Variants in CCDC88A observed in about 807,000 individuals in gnomAD.
The protein encoded by CCDC88A is coiled-coil and HOOK domain protein 88A.
A neutral mutation model predicts 234.3 loss-of-function variants in CCDC88A; 54 were observed. That is an observed-to-expected ratio of 0.23 (90% CI 0.19 to 0.29). The LOEUF (loss-of-function observed/expected upper bound fraction) is 0.29, where lower values mean the gene tolerates loss of function less well. Among genes scored for constraint, CCDC88A ranks in the 10% least tolerant of loss-of-function variants. The pLI is 1.00. For missense variants in CCDC88A, 1,832 were observed against 2,123.4 expected (o/e 0.86, Z 2.70); for synonymous variants, 753 against 737.8 (o/e 1.02, Z -0.33).
At chr2:55,376,895 G>A (rs902900639) in intron 3 of CCDC88A, among the ~76,000 whole-genome samples, 1 of 152,204 alleles carries the variant, frequency 6.6e-6, no homozygotes, top group South Asian at 2.1e-4. Context: ...GCAGTGGCGC[G>A]ATCTTGGCTT....
intron 23 of CCDC88A, among the ~76,000 whole-genome samples, chr2:55,312,080 T>A (rs1682418100): frequency 1.3e-5 from 2 of 152,250 alleles, no homozygotes; most frequent in African/African-American, 4.8e-5. Flanking sequence ...AACCTATAAA[T>A]CTCCACTCAA....
At chr2:55,304,497 C>T (rs1402695890) in intron 25 of CCDC88A, among the ~76,000 whole-genome samples, 1 of 151,590 alleles carries the variant, frequency 6.6e-6, no homozygotes, top group Non-Finnish European at 1.5e-5. Context: ...ACAAAAGATT[C>T]GTTGGGGGAA....
At chr2:55,356,037 T>G (rs938419006) in intron 7 of CCDC88A, 1 of 192,562 alleles carries the variant, frequency 5.2e-6, no homozygotes, top group East Asian at 1.3e-4. Context: ...GTGCAGGGTA[T>G]GCATGTTTGT....
At chr2:55,354,211 A>C (rs1444207400) in intron 8 of CCDC88A, among the ~76,000 whole-genome samples, 1 of 147,486 alleles carries the variant, frequency 6.8e-6, no homozygotes, top group Non-Finnish European at 1.5e-5. Flanking sequence ...TGTGATCTTG[A>C]CTCACTGCAA....
At chr2:55,347,355 A>C (rs575026683) in intron 9 of CCDC88A, among the ~76,000 whole-genome samples, 1 of 152,254 alleles carries the variant, frequency 6.6e-6, no homozygotes, top group Non-Finnish European at 1.5e-5. Flanking sequence ...TAATAACCTA[A>C]GACATTATTT....
intron 2 of CCDC88A, chr2:55,394,257 C>T (rs1449876831): frequency 6.6e-6 from 1 of 152,176 alleles, no homozygotes; most frequent in South Asian, 2.1e-4. Context: ...AGGACATGAA[C>T]TCATCATCAT....
chr2:55,403,204 T>G (rs1429602719), intron 2 of CCDC88A, among the ~76,000 whole-genome samples: 1 of 152,224 alleles, frequency 6.6e-6, no homozygotes, highest in Non-Finnish European at 1.5e-5. Context: ...ACTCAAGTAT[T>G]AACAACCAGT....
intron 2 of CCDC88A, among the ~76,000 whole-genome samples, chr2:55,390,053 A>G (rs113193274): frequency 0.041 from 3,301 of 79,724 alleles, 638 homozygotes; most frequent in Middle Eastern, 0.058. Flanking sequence ...AAAAAAATAA[A>G]AAATAAAGAT....
intron 30 of CCDC88A, 39 bp from the exon 31 acceptor site, chr2:55,296,095 G>A (rs201791321): frequency 1.1e-5 from 16 of 1,464,128 alleles, no homozygotes; most frequent in Non-Finnish European, 1.4e-5. Context: ...AGTGAATATA[G>A]TGCCATGTTT....
At chr2:55,381,723 T>C (rs1674640085) in intron 3 of CCDC88A, among the ~76,000 whole-genome samples, 4 of 152,198 alleles carry the variant, frequency 2.6e-5, no homozygotes, top group Admixed American at 2.0e-4. Context: ...TAGCCTTTCC[T>C]TCTTCCAAGA....
intron 22 of CCDC88A, chr2:55,315,440 T>G (rs1334659845): frequency 6.6e-6 from 1 of 152,332 alleles, no homozygotes; most frequent in African/African-American, 2.4e-5. Context: ...TCTAGAGTCC[T>G]AACAAGGTTG....
At chr2:55,349,893 TTCTC>T (rs67956519) in intron 8 of CCDC88A, 9,863 of 217,322 alleles carry the variant, frequency 0.045, 916 homozygotes, top group African/African-American at 0.2. Flanking sequence ...CCACTCTTCT[TTCTC>T]TCTTCCTCAC....
intron 17 of CCDC88A, among the ~76,000 whole-genome samples, chr2:55,326,882 T>C (rs996613773): frequency 2.6e-5 from 4 of 152,228 alleles, no homozygotes; most frequent in Admixed American, 1.3e-4. Context: ...AATGATGGCA[T>C]TTTAAATATC....
chr2:55,395,165 G>A (rs1416161803), intron 2 of CCDC88A, among the ~76,000 whole-genome samples: 1 of 151,978 alleles, frequency 6.6e-6, no homozygotes, highest in East Asian at 1.9e-4. Flanking sequence ...TTTTATAGAT[G>A]AGATCTCTCA....
chr2:55,395,731 T>G (rs1427219652), intron 2 of CCDC88A, among the ~76,000 whole-genome samples: 1 of 152,200 alleles, frequency 6.6e-6, no homozygotes, highest in Non-Finnish European at 1.5e-5. Flanking sequence ...CAAAAATCAG[T>G]TGACTAATAG....
At chr2:55,404,168 T>C (rs1400156393) in intron 2 of CCDC88A, 1 of 152,230 alleles carries the variant, frequency 6.6e-6, no homozygotes, top group Non-Finnish European at 1.5e-5. Context: ...CACTTTCTCT[T>C]TTGAGATGAA....
rs867901408 is a variant in CCDC88A at position 55,419,247 on chromosome 2, G to T, written c.-168C>A. ...CTCCCTCCTCAAAAAACACCCCAGAGTGAAACGAGCCGAAATCCCAAGAAG... is the reference window on the plus strand; with the variant it reads ...CTCCCTCCTCAAAAAACACCCCAGATTGAAACGAGCCGAAATCCCAAGAAG... On this transcript the variant is annotated 5_prime_UTR_variant, in exon 1 of 33. Coordinates refer to ENST00000436346, the MANE Select transcript of CCDC88A (RefSeq NM_001365480.1). 62 of 588,610 alleles carry T rather than the reference G, an allele frequency of 1.1e-4. No homozygotes were observed. The highest frequency in any genetic ancestry group is 9.1e-4 in the Middle Eastern group (2 of 2,186). 36.5% of individuals were successfully genotyped at this position (588,610 alleles called of 1,614,324 possible). A position where few individuals can be genotyped will look rare whatever the true frequency, so the allele number is the denominator to read the frequency against.
rs768092487 is a variant in CCDC88A at position 55,317,700 on chromosome 2, G to A, written c.3466C>T (p.Leu1156=). 6.2e-7 allele frequency: 1 copy of A among 1,613,330 alleles called. No individual in the cohort carries two copies. Among genetic ancestry groups the A allele is most frequent in the East Asian group, 2.2e-5 (1 of 44,818 alleles). The stretch of plus-strand genomic sequence containing the variant: ...TCCAGCTTTTCATGATCTTTGATCA[G>A]AGAATCATAGAGAGATTTTAGGTCT... ...REDLKSLYDS[L]IKDHEKLELL... The change falls in exon 20 of 33, where the codon CTG becomes TTG. Residue 1156 remains leucine, a synonymous_variant. Coordinates refer to ENST00000436346, the MANE Select transcript of CCDC88A (RefSeq NM_001365480.1). This position sits in a 1 kb window ranked among gnomAD's most constrained non-coding sequence, Gnocchi z 4.2.
At chr2:55,344,084 A>G (rs533612729) in intron 11 of CCDC88A, 3 of 361,032 alleles carry the variant, frequency 8.3e-6, no homozygotes, top group Non-Finnish European at 9.8e-6. Flanking sequence ...AAATTTTAGC[A>G]ATCAGATTTC....
Sources: gnomAD v4.1 joint callset for allele counts (sites outside exome capture counted in the v4.1 genomes callset) on GRCh38, gnomAD v4.1.1 for gene constraint, Gnocchi (gnomAD v3.1) non-coding constraint, MANE v1.5 for transcripts, NCBI Gene and HGNC (gene_info 2026-07-23, HGNC 2026-07-21) for gene names.